The following WDPCP variants were observed in gnomAD, a reference collection of about 807,000 sequenced individuals.
WDPCP encodes WD repeat-containing and planar cell polarity effector protein fritz homolog.
WDPCP carries 71 observed loss-of-function variants against 93.1 expected under a neutral mutation model. The ratio of observed to expected loss-of-function variants is 0.76; its 90% CI spans 0.63 to 0.93. The LOEUF (loss-of-function observed/expected upper bound fraction) is 0.93. Among genes scored for constraint, WDPCP ranks in the 40% least tolerant of loss-of-function variants. The pLI is 0.00. For synonymous variants in WDPCP, 315 were observed against 315.0 expected (o/e 1.00, Z 0.00); for missense variants, 844 against 887.4 (o/e 0.95, Z 0.62).
At chr2:63,204,251 G>C (rs1484434740) in intron 14 of WDPCP, among the ~76,000 whole-genome samples, 1 of 151,930 alleles carries the variant, frequency 6.6e-6, no homozygotes, top group East Asian at 1.9e-4. Context: ...ATTTTAATTG[G>C]GGTGAGATGA....
intron 14 of WDPCP, among the ~76,000 whole-genome samples, chr2:63,235,050 C>G (rs923159354): frequency 6.6e-6 from 1 of 151,858 alleles, no homozygotes; most frequent in African/African-American, 2.4e-5. Context: ...AAAGGATAAA[C>G]GAAAAGTTGG....
intron 2 of WDPCP, among the ~76,000 whole-genome samples, chr2:63,706,997 T>C (rs964589610): frequency 6.6e-6 from 1 of 152,138 alleles, no homozygotes; most frequent in Non-Finnish European, 1.5e-5. Flanking sequence ...GAGAGATCAG[T>C]TGTTAGTCTG....
At chr2:63,263,845 A>G (rs1681860964) in intron 13 of WDPCP, among the ~76,000 whole-genome samples, 2 of 152,226 alleles carry the variant, frequency 1.3e-5, no homozygotes, top group Admixed American at 1.3e-4. Flanking sequence ...GGCCACCAGC[A>G]GGGTAGTCAT....
At position 63,539,438 on chromosome 2, in the gene WDPCP, G is replaced by A. The variant is rs550043325; in HGVS notation, c.76-46498C>T. ...TTAAAAAAAAATTCAACTCATGCCCGTAATCCCAGCACTTTGGGAGGCCAA... is the reference window on the plus strand; with the variant it reads ...TTAAAAAAAAATTCAACTCATGCCCATAATCCCAGCACTTTGGGAGGCCAA... On this transcript the variant is annotated intron_variant, in intron 1 of 17. Coordinates refer to ENST00000272321, the MANE Select transcript of WDPCP (RefSeq NM_015910.7). Among the ~76,000 whole-genome samples the A allele has an allele frequency of 9.1e-4, 139 of 152,242 alleles. 1 individual carries two copies. The highest frequency in any genetic ancestry group is 2.7e-3 in the African/African-American group (111 of 41,546).
chr2:63,417,454 TAAC>T (rs1695520228), intron 9 of WDPCP, among the ~76,000 whole-genome samples: 2 of 151,956 alleles, frequency 1.3e-5, no homozygotes, highest in East Asian at 1.9e-4. Flanking sequence ...TATTCATACT[TAAC>T]AATGTGATTT....
At chr2:63,227,408 A>G (rs745638053) in intron 14 of WDPCP, among the ~76,000 whole-genome samples, 13 of 152,042 alleles carry the variant, frequency 8.6e-5, no homozygotes, top group Non-Finnish European at 1.6e-4. Context: ...GCACTGTGCT[A>G]TGTAAGTGGT....
intron 3 of WDPCP, chr2:63,622,630 G>A: frequency 3.7e-6 from 6 of 1,613,888 alleles, no homozygotes; most frequent in Non-Finnish European, 5.1e-6. Context: ...GGAAATAGTT[G>A]CTTGGCCCAG....
chr2:63,511,690 G>A (rs546355220), intron 1 of WDPCP, among the ~76,000 whole-genome samples: 5 of 152,286 alleles, frequency 3.3e-5, no homozygotes, highest in African/African-American at 1.2e-4. Flanking sequence ...AAACTGGCTA[G>A]CCATATGCAG....
chr2:63,129,321 GGTTTTAT>G (rs1293863889), intron 17 of WDPCP, among the ~76,000 whole-genome samples: 3 of 152,158 alleles, frequency 2.0e-5, no homozygotes, highest in Non-Finnish European at 4.4e-5. Flanking sequence ...ATCATATAAT[GGTTTTAT>G]GTTTAATTTT....
intron 1 of WDPCP, among the ~76,000 whole-genome samples, chr2:63,544,266 A>G (rs1184212084): frequency 6.6e-6 from 1 of 152,158 alleles, no homozygotes; most frequent in Non-Finnish European, 1.5e-5. Flanking sequence ...CTCAGCATTT[A>G]AAACAAAACA....
chr2:63,788,836 T>C (rs1274155701), intron 2 of WDPCP, among the ~76,000 whole-genome samples: 1 of 152,192 alleles, frequency 6.6e-6, no homozygotes, highest in African/African-American at 2.4e-5. Flanking sequence ...TCCACTGATA[T>C]CACCTTCTGC....
rs1686394197 is a variant in WDPCP at position 63,313,878 on chromosome 2, A to ATGTGTGTG, written c.1749-568_1749-567insCACACACA. On this transcript the variant is annotated intron_variant, in intron 12 of 17. Transcript: ENST00000272321. ...CATATATATATATATATATATATAT[A>ATGTGTGTG]TATATATATTTTTTTTTTTTTGGAG... is the stretch of plus-strand genomic sequence containing the variant. 0.014 allele frequency among the ~76,000 whole-genome samples: 53 copies of ATGTGTGTG among 3,672 alleles called. 1 individual carries two copies. The South Asian group carries it at 0.18, about 13-fold the overall frequency. The allele number at this position is 3,672 out of a possible 152,430, so 2.4% of individuals were successfully genotyped here.
At chr2:63,635,857 A>G (rs1481457251) in intron 3 of WDPCP, among the ~76,000 whole-genome samples, 1 of 152,224 alleles carries the variant, frequency 6.6e-6, no homozygotes, top group African/African-American at 2.4e-5. Flanking sequence ...AGTCCTAGCC[A>G]GAGCAATTAG....
chr2:63,702,222 C>T (rs1174000618), intron 2 of WDPCP, among the ~76,000 whole-genome samples: 1 of 152,026 alleles, frequency 6.6e-6, no homozygotes, highest in Non-Finnish European at 1.5e-5. Flanking sequence ...GATGGGGTTT[C>T]ACCATGTTGG....
In WDPCP at chr2:63,761,118, T is replaced by C. The variant is rs370346402; in HGVS notation, n.308+52504A>G. On this transcript the variant is annotated intron_variant and non_coding_transcript_variant, in intron 2 of 4. Transcript: ENST00000467687. The stretch of plus-strand genomic sequence containing the variant: ...AACTTAATCCCAAATGCAACAACGT[T>C]GAGAGGTGGGACCTTTAAGAGGTGA... 1.4e-4 allele frequency among the ~76,000 whole-genome samples: 21 copies of C among 152,334 alleles called. No homozygotes were observed. In the East Asian group the frequency reaches 2.9e-3, roughly 21 times the overall value.
intron 2 of WDPCP, among the ~76,000 whole-genome samples, chr2:63,755,668 T>A (rs1180663150): frequency 6.6e-6 from 1 of 152,242 alleles, no homozygotes; most frequent in East Asian, 1.9e-4. Context: ...GCTCTTAAAT[T>A]CTGATAGATT....
chr2:63,794,262 C>CAGT (rs971403992), intron 2 of WDPCP, among the ~76,000 whole-genome samples: 2 of 152,146 alleles, frequency 1.3e-5, no homozygotes, highest in African/African-American at 4.8e-5. Flanking sequence ...CCACAATGTA[C>CAGT]AGTAGCCATA....
intron 13 of WDPCP, among the ~76,000 whole-genome samples, chr2:63,300,618 T>C (rs929674711): frequency 6.6e-6 from 1 of 152,246 alleles, no homozygotes. Flanking sequence ...TTTGCAACTA[T>C]CATATCTCTT....
intron 13 of WDPCP, among the ~76,000 whole-genome samples, chr2:63,292,132 C>CAAAAA (rs58370764): frequency 1.3e-3 from 110 of 83,108 alleles, no homozygotes; most frequent in East Asian, 1.7e-3. Flanking sequence ...GACTCCGGCT[C>CAAAAA]AAAAAAAAAA....
Sources: gnomAD v4.1 joint callset for allele counts (sites outside exome capture counted in the v4.1 genomes callset) on GRCh38, gnomAD v4.1.1 for gene constraint, MANE v1.5 for transcripts, NCBI Gene and HGNC (gene_info 2026-07-23, HGNC 2026-07-21) for gene names.